THSD7B: variants seen among roughly 807,000 people sequenced by gnomAD.
THSD7B encodes thrombospondin type-1 domain-containing protein 7B.
THSD7B carries 138 observed loss-of-function variants against 213.6 expected under a neutral mutation model. That is an observed-to-expected ratio of 0.65 (90% CI 0.56 to 0.74). The LOEUF (loss-of-function observed/expected upper bound fraction) is 0.74, where lower values mean the gene tolerates loss of function less well. THSD7B is among the 30% of genes least tolerant of loss of function. THSD7B has a pLI of 0.00. For synonymous variants in THSD7B, 742 were observed against 687.0 expected (o/e 1.08, Z -1.25); for missense variants, 1,931 against 1,991.5 (o/e 0.97, Z 0.58).
At chr2:137,529,894 T>C (rs1391497660) in intron 15 of THSD7B, among the ~76,000 whole-genome samples, 1 of 152,010 alleles carries the variant, frequency 6.6e-6, no homozygotes, top group East Asian at 1.9e-4. Context: ...CGGATGATGA[T>C]TCAATTAACA....
At chr2:136,995,016 C>T (rs1404882119) in intron 2 of THSD7B, among the ~76,000 whole-genome samples, 3 of 152,176 alleles carry the variant, frequency 2.0e-5, no homozygotes, top group East Asian at 3.8e-4. Flanking sequence ...AGTCCTATCC[C>T]ATGTGTTTTC....
chr2:137,668,341 A>C (rs1446222), intron 27 of THSD7B, among the ~76,000 whole-genome samples: 54,571 of 151,878 alleles, frequency 0.36, 10,868 homozygotes, highest in Non-Finnish European at 0.46. Context: ...TTAGGTTAAA[A>C]TGACCAGTTG....
At chr2:137,218,786 T>G (rs1438897884) in intron 7 of THSD7B, among the ~76,000 whole-genome samples, 1 of 152,158 alleles carries the variant, frequency 6.6e-6, no homozygotes, top group Non-Finnish European at 1.5e-5. Context: ...CTGATTGTTA[T>G]CTTTCCAATA....
At chr2:137,124,569 G>T (rs67702173) in intron 5 of THSD7B, among the ~76,000 whole-genome samples, 12 of 151,910 alleles carry the variant, frequency 7.9e-5, no homozygotes, top group Non-Finnish European at 1.5e-4. Flanking sequence ...CAGGGGAAAG[G>T]GGGGAGGGAT....
At chr2:136,890,359 T>C (rs1479836731) in intron 2 of THSD7B, among the ~76,000 whole-genome samples, 3 of 5,450 alleles carry the variant, frequency 5.5e-4, no homozygotes, top group African/African-American at 1.1e-3. Flanking sequence ...CTTCTTCTTC[T>C]TCTTCTTCTT....
At chr2:137,252,037 G>T (rs768371477) in intron 10 of THSD7B, among the ~76,000 whole-genome samples, 17 of 152,104 alleles carry the variant, frequency 1.1e-4, no homozygotes, top group Non-Finnish European at 1.5e-4. Flanking sequence ...GGAGGCCGAG[G>T]TGGGTGGATC....
At chr2:136,790,856 G>T (rs1358714590) in intron 1 of THSD7B, among the ~76,000 whole-genome samples, 3 of 152,064 alleles carry the variant, frequency 2.0e-5, no homozygotes, top group Non-Finnish European at 4.4e-5. Context: ...AGGAAACTGA[G>T]AAAAGAGGAG....
chr2:136,768,067 C>T (rs991597313), intron 1 of THSD7B, among the ~76,000 whole-genome samples: 3 of 152,008 alleles, frequency 2.0e-5, no homozygotes, highest in Admixed American at 1.3e-4. Flanking sequence ...AAATTGGTAA[C>T]GAGAGGTACC....
intron 5 of THSD7B, among the ~76,000 whole-genome samples, chr2:137,121,537 A>G (rs1688547130): frequency 6.6e-6 from 1 of 152,192 alleles, no homozygotes; most frequent in African/African-American, 2.4e-5. Flanking sequence ...AATGACCTAG[A>G]ACTAGATATG....
chr2:136,801,436 T>C (rs926989545), intron 1 of THSD7B, among the ~76,000 whole-genome samples: 1 of 152,050 alleles, frequency 6.6e-6, no homozygotes, highest in African/African-American at 2.4e-5. Context: ...TTGGGTAGGC[T>C]TCCAGAATGC....
chr2:137,320,347 T>G (rs1022058943), intron 12 of THSD7B, among the ~76,000 whole-genome samples: 2 of 152,194 alleles, frequency 1.3e-5, no homozygotes, highest in Non-Finnish European at 2.9e-5. Flanking sequence ...GCATACTGTG[T>G]CATACTTATC....
At chr2:137,254,348 G>A (rs1558974575) in intron 10 of THSD7B, among the ~76,000 whole-genome samples, 1 of 152,158 alleles carries the variant, frequency 6.6e-6, no homozygotes, top group Non-Finnish European at 1.5e-5. Flanking sequence ...GAGACCTTAT[G>A]GATAACCAAA....
intron 5 of THSD7B, among the ~76,000 whole-genome samples, chr2:137,127,375 G>C (rs1176057227): frequency 6.6e-6 from 1 of 152,112 alleles, no homozygotes; most frequent in African/African-American, 2.4e-5. Flanking sequence ...CATCAATATT[G>C]TTGCTGATAA....
At chr2:137,456,097 A>C (rs1419220473) in intron 15 of THSD7B, among the ~76,000 whole-genome samples, 2 of 152,202 alleles carry the variant, frequency 1.3e-5, no homozygotes, top group South Asian at 2.1e-4. Context: ...TTATGTTTGC[A>C]ACTGAATGAG....
At chr2:137,289,528 G>T (rs1449004398) in intron 12 of THSD7B, among the ~76,000 whole-genome samples, 1 of 152,070 alleles carries the variant, frequency 6.6e-6, no homozygotes, top group African/African-American at 2.4e-5. Flanking sequence ...GTGTGATATT[G>T]TCAAATGTTT....
At chr2:137,538,911 T>C (rs1680556791) in intron 15 of THSD7B, among the ~76,000 whole-genome samples, 2 of 151,796 alleles carry the variant, frequency 1.3e-5, no homozygotes, top group African/African-American at 4.8e-5. Context: ...CAGCCGAGAA[T>C]TTTATACATA....
chr2:137,047,958 T>A (rs751957755), intron 2 of THSD7B, among the ~76,000 whole-genome samples: 1 of 152,200 alleles, frequency 6.6e-6, no homozygotes, highest in Admixed American at 6.5e-5. Flanking sequence ...ATGCAGAACG[T>A]GCAGGTTTGT....
chr2:137,164,215 G>T (rs1304824835), intron 6 of THSD7B, among the ~76,000 whole-genome samples: 1 of 152,132 alleles, frequency 6.6e-6, no homozygotes, highest in Non-Finnish European at 1.5e-5. Context: ...ATAACCAGAG[G>T]TGGGGAGTGT....
At chr2:137,478,097 A>G (rs560826942) in intron 15 of THSD7B, among the ~76,000 whole-genome samples, 8 of 152,244 alleles carry the variant, frequency 5.3e-5, no homozygotes, top group South Asian at 2.1e-4. Flanking sequence ...TCTATTTGGC[A>G]TCTGTAAGCT....
Sources: allele counts gnomAD v4.1 joint callset (sites outside exome capture counted in the v4.1 genomes callset), GRCh38; gene constraint gnomAD v4.1.1; transcripts MANE v1.5; gene names NCBI Gene and HGNC (gene_info 2026-07-23, HGNC 2026-07-21).